ADIPOR2: variants seen among roughly 807,000 people sequenced by gnomAD.
ADIPOR2 encodes the protein adiponectin receptor 2.
Under a neutral mutation model 40.9 loss-of-function variants are expected in ADIPOR2, and 18 were observed. The observed-to-expected ratio is 0.44, with a 90% CI of 0.30 to 0.65. The LOEUF is 0.65. Ranked by LOEUF, ADIPOR2 falls within the 30% of genes least tolerant of loss-of-function variation. The pLI, the probability that ADIPOR2 is intolerant of heterozygous loss-of-function variation, is 0.09. For missense variants in ADIPOR2, 283 were observed against 479.2 expected (o/e 0.59, Z 3.82); for synonymous variants, 165 against 166.4 (o/e 0.99, Z 0.06).
At chr12:1,781,976 T>G (rs532293126) in intron 6 of ADIPOR2, among the ~76,000 whole-genome samples, 1 of 152,204 alleles carries the variant, frequency 6.6e-6, no homozygotes, top group Admixed American at 6.5e-5. Flanking sequence ...CTTGAGCACA[T>G]GAGATAAGAA....
intron 1 of ADIPOR2, among the ~76,000 whole-genome samples, chr12:1,746,439 G>T (rs184325834): frequency 1.3e-5 from 2 of 152,170 alleles, no homozygotes; most frequent in African/African-American, 4.8e-5. Context: ...AGTGAGCCGA[G>T]ATCAAGCCAT....
chr12:1,767,820 T>A (rs1188388052), intron 2 of ADIPOR2, among the ~76,000 whole-genome samples: 1 of 152,226 alleles, frequency 6.6e-6, no homozygotes, highest in African/African-American at 2.4e-5. Context: ...GTGATAGAAT[T>A]CTTAGACCAA....
chr12:1,711,711 T>C (rs1231800715), intron 1 of ADIPOR2, among the ~76,000 whole-genome samples: 3 of 152,004 alleles, frequency 2.0e-5, no homozygotes, highest in Non-Finnish European at 4.4e-5. Context: ...CCTCTTTGTC[T>C]GTCTCTTCCT....
intron 1 of ADIPOR2, among the ~76,000 whole-genome samples, chr12:1,713,669 T>TG (rs1396165073): frequency 3.4e-4 from 51 of 152,162 alleles, no homozygotes; most frequent in African/African-American, 1.2e-3. Flanking sequence ...TGTTCCTCCC[T>TG]AATAAGGGTA....
At chr12:1,732,453 T>G (rs1056445277) in intron 1 of ADIPOR2, among the ~76,000 whole-genome samples, 2 of 152,230 alleles carry the variant, frequency 1.3e-5, no homozygotes, top group African/African-American at 2.4e-5. Context: ...CAATATACAC[T>G]TAAGGTTCTC....
chr12:1,747,905 C>A (rs2094759257), intron 1 of ADIPOR2, among the ~76,000 whole-genome samples: 1 of 151,726 alleles, frequency 6.6e-6, no homozygotes, highest in Non-Finnish European at 1.5e-5. Context: ...GTCTGGATGT[C>A]CTTGCCTTTC....
chr12:1,719,680 CTTT>C (rs575664850), intron 1 of ADIPOR2, among the ~76,000 whole-genome samples: 2 of 142,570 alleles, frequency 1.4e-5, no homozygotes. Context: ...TTGTTTTCAT[CTTT>C]TTTTTTTTTT....
chr12:1,783,899 C>G lies in ADIPOR2; in HGVS notation c.858C>G (p.Gly286=), dbSNP rs781587112. Residue 286 remains glycine, a synonymous_variant, in exon 7 of 8, where the codon GGC becomes GGG. Transcript: ENST00000357103. The part of the protein sequence containing the change: ...GVRAGVFLGL[G]LSGIIPTLHY... The stretch of plus-strand genomic sequence containing the variant: ...TCCTAGGAGTGTTTTTGGGCCTAGG[C>G]CTGAGTGGAATCATTCCTACCTTGC... 5 of 1,609,054 alleles carry G rather than the reference C, an allele frequency of 3.1e-6. No homozygotes were observed. Among genetic ancestry groups the G allele is most frequent in the Non-Finnish European group, 4.2e-6 (5 of 1,177,364 alleles).
chr12:1,731,328 T>G lies in ADIPOR2; in HGVS notation c.-86-22930T>G, dbSNP rs182453973. On this transcript the variant is annotated intron_variant, in intron 1 of 7. Transcript: ENST00000357103. ...TGGGAGCCACTGTGCTGGGCCAGATTCCTTTTTTTAAATTGTGGGAAAATA... is the reference window on the plus strand; with the variant it reads ...TGGGAGCCACTGTGCTGGGCCAGATGCCTTTTTTTAAATTGTGGGAAAATA... Among the ~76,000 whole-genome samples the G allele has an allele frequency of 2.6e-5, 4 of 152,324 alleles. No individual in the cohort carries two copies. The East Asian group carries it at 5.8e-4, about 22-fold the overall frequency.
intron 1 of ADIPOR2, among the ~76,000 whole-genome samples, chr12:1,703,134 T>C (rs952930207): frequency 1.3e-5 from 2 of 152,180 alleles, no homozygotes; most frequent in African/African-American, 4.8e-5. Flanking sequence ...TAAAAATATA[T>C]TATATGTATC....
chr12:1,772,056 T>A (rs1050013839), intron 2 of ADIPOR2, among the ~76,000 whole-genome samples: 2 of 152,250 alleles, frequency 1.3e-5, no homozygotes, highest in Non-Finnish European at 2.9e-5. Flanking sequence ...TCTACTGCCC[T>A]TCTTCTCACA....
intron 3 of ADIPOR2, among the ~76,000 whole-genome samples, chr12:1,774,099 G>A (rs1862540313): frequency 6.6e-6 from 1 of 152,072 alleles, no homozygotes; most frequent in Admixed American, 6.6e-5. Flanking sequence ...TAGCACAAAG[G>A]GATACAAAAG....
intron 2 of ADIPOR2, chr12:1,757,817 G>T: frequency 2.4e-6 from 2 of 849,268 alleles, no homozygotes; most frequent in Non-Finnish European, 4.1e-6. Context: ...ATGAACCTCT[G>T]CATGTAATCT....
chr12:1,720,859 G>A (rs921265825), intron 1 of ADIPOR2, among the ~76,000 whole-genome samples: 1 of 152,172 alleles, frequency 6.6e-6, no homozygotes, highest in Non-Finnish European at 1.5e-5. Flanking sequence ...AACTGCTTAG[G>A]GCTAACCTGC....
At chr12:1,775,039 T>C (rs985153420) in intron 3 of ADIPOR2, among the ~76,000 whole-genome samples, 2 of 148,082 alleles carry the variant, frequency 1.4e-5, no homozygotes, top group Non-Finnish European at 3.0e-5. Context: ...GGTTTCACCA[T>C]GTTGGCCAGG....
intron 1 of ADIPOR2, among the ~76,000 whole-genome samples, chr12:1,741,960 T>C (rs2094743706): frequency 6.6e-6 from 1 of 151,906 alleles, no homozygotes; most frequent in African/African-American, 2.4e-5. Context: ...TATATCTCTT[T>C]CAAAAAGAAT....
chr12:1,712,804 C>T (rs987393660), intron 1 of ADIPOR2, among the ~76,000 whole-genome samples: 26 of 152,012 alleles, frequency 1.7e-4, no homozygotes, highest in Non-Finnish European at 2.8e-4. Flanking sequence ...TGTCTTAGGG[C>T]GAGGATAAGC....
At chr12:1,694,161 TTAAG>T (rs1431008638) in intron 1 of ADIPOR2, among the ~76,000 whole-genome samples, 2 of 152,220 alleles carry the variant, frequency 1.3e-5, no homozygotes, top group Admixed American at 1.3e-4. Context: ...AGGAGAAAAA[TTAAG>T]TAACTGTTGG....
Position 1,757,486 on chromosome 12 carries a change from G to A in ADIPOR2, c.171+2972G>A, listed in dbSNP as rs1334096865. On this transcript the variant is annotated intron_variant, in intron 2 of 7. Transcript: ENST00000357103. ...TTAGCACCTACAGTCACCATGCATA[G>A]GTTACCATTGTCAAACTTGATGAAA... The A allele has an allele frequency of 4.1e-6, 3 of 740,580 alleles. No individual in the cohort carries two copies. In the East Asian group the frequency reaches 7.5e-5, roughly 18 times the overall value. The allele number at this position is 740,580 out of a possible 1,614,324, so 45.9% of individuals were successfully genotyped here. A position where few individuals can be genotyped will look rare whatever the true frequency, so the allele number is the denominator to read the frequency against.
Sources: allele counts gnomAD v4.1 joint callset (sites outside exome capture counted in the v4.1 genomes callset), GRCh38; gene constraint gnomAD v4.1.1; transcripts MANE v1.5; gene names NCBI Gene and HGNC (gene_info 2026-07-23, HGNC 2026-07-21).